The following ARMH4 variants were observed in gnomAD, a reference collection of about 807,000 sequenced individuals.
ARMH4 encodes armadillo like helical domain containing 4.
In ARMH4, 49 loss-of-function variants were observed where a neutral mutation model predicts 61.9. The ratio of observed to expected loss-of-function variants is 0.79; its 90% confidence interval spans 0.63 to 1.00. The LOEUF is 1.00. ARMH4 is among the 50% of genes least tolerant of loss of function. ARMH4 has a pLI of 0.00. For synonymous variants in ARMH4, 368 were observed against 341.5 expected (o/e 1.08, Z -0.85); for missense variants, 934 against 930.0 (o/e 1.00, Z -0.06).
At chr14:58,081,514 T>G (rs1160102680) in intron 5 of ARMH4, among the ~76,000 whole-genome samples, 1 of 151,926 alleles carries the variant, frequency 6.6e-6, no homozygotes, top group African/African-American at 2.4e-5. Context: ...CTTTTTTTTT[T>G]TTTTTAGACG....
chr14:58,045,428 C>A (rs1883899382), intron 5 of ARMH4, among the ~76,000 whole-genome samples: 1 of 152,042 alleles, frequency 6.6e-6, no homozygotes, highest in African/African-American at 2.4e-5. Flanking sequence ...CACCTGGACA[C>A]AGGAAGGGGG....
At chr14:58,021,455 G>T (rs1882827124) in intron 5 of ARMH4, among the ~76,000 whole-genome samples, 1 of 152,186 alleles carries the variant, frequency 6.6e-6, no homozygotes, top group Admixed American at 6.5e-5. Flanking sequence ...ATGTGGAATT[G>T]AGTCCATTAA....
chr14:58,058,124 C>T (rs1375044289), intron 5 of ARMH4, among the ~76,000 whole-genome samples: 1 of 152,082 alleles, frequency 6.6e-6, no homozygotes, highest in Non-Finnish European at 1.5e-5. Flanking sequence ...CCAGGACAAC[C>T]CTTGGATACC....
chr14:58,107,626 T>C (rs780994103), intron 4 of ARMH4, among the ~76,000 whole-genome samples: 9 of 151,818 alleles, frequency 5.9e-5, no homozygotes, highest in Non-Finnish European at 1.0e-4. Context: ...TAGCCGGGCG[T>C]AGTGGTGCAC....
chr14:58,115,527 A>T (rs1170518376), intron 4 of ARMH4, among the ~76,000 whole-genome samples: 2 of 152,340 alleles, frequency 1.3e-5, no homozygotes, highest in Non-Finnish European at 2.9e-5. Context: ...TTTCTCAAAG[A>T]ACTTAAAACA....
At chr14:58,088,221 C>G (rs981417311) in intron 5 of ARMH4, among the ~76,000 whole-genome samples, 2 of 152,126 alleles carry the variant, frequency 1.3e-5, no homozygotes, top group African/African-American at 4.8e-5. Flanking sequence ...TTGTTGAATC[C>G]TTTACCACAA....
chr14:58,030,510 T>C (rs1039479617), intron 5 of ARMH4, among the ~76,000 whole-genome samples: 8 of 152,234 alleles, frequency 5.3e-5, no homozygotes, highest in Non-Finnish European at 7.3e-5. Context: ...TTTTCAAGTA[T>C]GTAATTCAGT....
intron 5 of ARMH4, among the ~76,000 whole-genome samples, chr14:58,066,998 A>G (rs4901841): frequency 0.71 from 107,769 of 152,088 alleles, 40,996 homozygotes; most frequent in Non-Finnish European, 0.86. Flanking sequence ...AAAAAATATA[A>G]TGTCAACTAG....
At chr14:58,047,501 G>A (rs1883982235) in intron 5 of ARMH4, among the ~76,000 whole-genome samples, 1 of 152,080 alleles carries the variant, frequency 6.6e-6, no homozygotes, top group Non-Finnish European at 1.5e-5. Flanking sequence ...TGTAAGGTAG[G>A]TACAGCCATT....
intron 5 of ARMH4, among the ~76,000 whole-genome samples, chr14:58,070,010 C>T (rs10129164): frequency 0.48 from 72,856 of 151,984 alleles, 19,039 homozygotes; most frequent in Non-Finnish European, 0.58. Flanking sequence ...TTGGGCAAGA[C>T]ATGATGCTGG....
chr14:58,093,390 C>G (rs1594752365), intron 5 of ARMH4, among the ~76,000 whole-genome samples: 2 of 152,092 alleles, frequency 1.3e-5, no homozygotes, highest in Admixed American at 1.3e-4. Context: ...TGGAGTCTTG[C>G]TATGTTCCCC....
intron 5 of ARMH4, among the ~76,000 whole-genome samples, chr14:58,076,159 CGTT>C (rs552198779): frequency 1.5e-3 from 227 of 152,006 alleles, no homozygotes; most frequent in Middle Eastern, 6.8e-3. Flanking sequence ...TTATTTTTGT[CGTT>C]GTTGAAGAAT....
chr14:58,150,846 G>C (rs563122538), intron 1 of ARMH4, among the ~76,000 whole-genome samples: 1 of 152,312 alleles, frequency 6.6e-6, no homozygotes, highest in East Asian at 1.9e-4. Context: ...ACCTTAGCCG[G>C]TTGTGTGTTT....
At chr14:58,097,076 A>C in intron 4 of ARMH4, 95 bp from the exon 5 acceptor site, 2 of 1,348,020 alleles carry the variant, frequency 1.5e-6, no homozygotes, top group Non-Finnish European at 2.1e-6. Context: ...CTACAAAATA[A>C]TTGTTTGGCC....
chr14:58,136,049 T>C (rs911771481), intron 2 of ARMH4, among the ~76,000 whole-genome samples: 56 of 152,314 alleles, frequency 3.7e-4, no homozygotes, highest in African/African-American at 1.1e-3. Flanking sequence ...GGCAATCACA[T>C]TGGATAACTC....
At position 58,139,341 on chromosome 14, in the gene ARMH4, T is replaced by C. The variant is rs560545640; in HGVS notation, c.18A>G (p.Val6=). The stretch of plus-strand genomic sequence containing the variant: ...TACAGAAAGCCAGACAAATGTGCAA[T>C]ACAATCGGTCCTCTCATAGTGGAAG... MRGPI[V]LHICLAFCSL... Residue 6 remains valine (V), a synonymous_variant, in exon 2 of 8, where the codon GTA becomes GTG. Transcript: ENST00000267485. The C allele has an allele frequency of 1.9e-6, 3 of 1,614,050 alleles. No individual in the cohort carries two copies. Among genetic ancestry groups the C allele is most frequent in the Admixed American group, 1.7e-5 (1 of 60,014 alleles).
At chr14:58,041,379 C>T (rs551256612) in intron 5 of ARMH4, among the ~76,000 whole-genome samples, 3 of 152,168 alleles carry the variant, frequency 2.0e-5, no homozygotes, top group Admixed American at 1.3e-4. Flanking sequence ...AAATACTTTA[C>T]AGACAAGCAA....
intron 5 of ARMH4, among the ~76,000 whole-genome samples, chr14:58,064,224 TAGGATCCTAA>T (rs1335094129): frequency 2.0e-5 from 3 of 149,934 alleles, no homozygotes; most frequent in African/African-American, 7.6e-5. Flanking sequence ...TAGCTTAACA[TAGGATCCTAA>T]GTAAAACTCT....
At chr14:58,123,607 A>G (rs1367257242) in intron 4 of ARMH4, among the ~76,000 whole-genome samples, 1 of 152,178 alleles carries the variant, frequency 6.6e-6, no homozygotes, top group East Asian at 1.9e-4. Context: ...CAAATACCAG[A>G]GGAAGCAGTG....
Sources: gnomAD v4.1 joint callset for allele counts (sites outside exome capture counted in the v4.1 genomes callset) on GRCh38, gnomAD v4.1.1 for gene constraint, MANE v1.5 for transcripts, NCBI Gene and HGNC (gene_info 2026-07-23, HGNC 2026-07-21) for gene names.